The following NLRP2 variants were observed in gnomAD, a reference collection of about 807,000 sequenced individuals.
NLRP2 encodes NACHT, LRR and PYD domains-containing protein 2.
In NLRP2, 107 loss-of-function variants were observed where a neutral mutation model predicts 97.2. The observed-to-expected ratio is 1.10, with a 90% CI of 0.94 to 1.29. The LOEUF (loss-of-function observed/expected upper bound fraction) is 1.29. Ranked by LOEUF, NLRP2 falls within the 50% of genes most tolerant of loss-of-function variation. NLRP2 has a pLI of 0.00. For missense variants in NLRP2, 1,495 were observed against 1,330.3 expected, an observed-to-expected ratio of 1.12 and a Z score of -1.93; for synonymous variants, 663 against 551.5, an observed-to-expected ratio of 1.20 and a Z score of -2.83.
chr19:54,974,529 A>G lies in NLRP2; in HGVS notation c.310A>G (p.Lys104Glu). Residue 104 changes from lysine to glutamate, a missense_variant, in exon 3 of 13, where the codon AAG becomes GAG. Coordinates refer to ENST00000448584, the MANE Select transcript of NLRP2 (RefSeq NM_017852.5). Reference sequence around the variant, plus strand: ...AGCTTTGAAATCCTTTAATAAAAGGAAGCCTCTATCATTAGGTAAGTTACC... The same window carrying G: ...AGCTTTGAAATCCTTTAATAAAAGGGAGCCTCTATCATTAGGTAAGTTACC... Reference protein sequence around the residue: ...EAALKSFNKRKPLSLGITRKE... With the variant: ...EAALKSFNKREPLSLGITRKE... 1 of 1,608,928 alleles carries G rather than the reference A, an allele frequency of 6.2e-7. No individual in the cohort carries two copies. Among genetic ancestry groups the G allele is most frequent in the Non-Finnish European group, 8.5e-7 (1 of 1,175,298 alleles).
At chr19:54,969,815 A>T (rs908645101) in intron 1 of NLRP2, among the ~76,000 whole-genome samples, 184 bp from the exon 2 acceptor site, 3 of 152,076 alleles carry the variant, frequency 2.0e-5, no homozygotes, top group African/African-American at 7.2e-5. Flanking sequence ...ATGTACCACC[A>T]CCCACTGCTA....
chr19:54,995,138 C>T (rs1392686083), intron 11 of NLRP2, among the ~76,000 whole-genome samples: 2 of 64,804 alleles, frequency 3.1e-5, no homozygotes, highest in African/African-American at 9.3e-5. Flanking sequence ...ACTTGAAACT[C>T]CATCTCTACT....
In NLRP2 at chr19:54,967,084, C is replaced by T. The variant is rs369398508; in HGVS notation, c.-18+617C>T. Among the ~76,000 whole-genome samples the T allele has an allele frequency of 1.2e-4, 18 of 151,178 alleles. No individual in the cohort carries two copies. In the South Asian group the frequency reaches 1.9e-3, roughly 16 times the overall value. The stretch of plus-strand genomic sequence containing the variant: ...GTCTTAATATGTTGCCGAAGCTGGT[C>T]TCTAACTCCTGGGCTCAAGCGATCT... On this transcript the variant is annotated intron_variant, in intron 1 of 12. Transcript: ENST00000448584.
In NLRP2 at chr19:54,972,906, A is replaced by G. The variant is rs552758822; in HGVS notation, c.281-1594A>G. The stretch of plus-strand genomic sequence containing the variant: ...CCAAGCCTTAAAAAGGAAACATGGT[A>G]GGCCGGGCACAGTGGCTCACGCCTG... On this transcript the variant is annotated intron_variant, in intron 2 of 12. Coordinates refer to ENST00000448584, the MANE Select transcript of NLRP2 (RefSeq NM_017852.5). 1.2e-4 allele frequency among the ~76,000 whole-genome samples: 19 copies of G among 152,026 alleles called. No homozygotes were observed. The South Asian group carries it at 2.9e-3, about 23-fold the overall frequency.
At chr19:54,999,226 C>G (rs1361785301) in intron 12 of NLRP2, among the ~76,000 whole-genome samples, 4 of 152,200 alleles carry the variant, frequency 2.6e-5, no homozygotes, top group Non-Finnish European at 5.9e-5. Flanking sequence ...CGGCTTACTG[C>G]AACCTCCGCC....
Position 54,986,227 on chromosome 19 carries a change from C to G in NLRP2, c.2278C>G (p.Leu760Val), listed in dbSNP as rs773068640. 17 of 1,613,056 alleles carry G rather than the reference C, an allele frequency of 1.1e-5. No homozygotes were observed. In the South Asian group the frequency reaches 1.6e-4, roughly 16 times the overall value. ...ALRGHKTVTY[L>V]TLQGNDQDDM... ...TCGAGGTCACAAGACTGTAACGTAT[C>G]TGACCCTTCAAGGCAATGACCAGGA... The change falls in exon 8 of 13, where the codon CTG becomes GTG. Residue 760 changes from leucine to valine, a missense_variant. Coordinates refer to ENST00000448584, the MANE Select transcript of NLRP2 (RefSeq NM_017852.5).
At position 54,984,485 on chromosome 19, in the gene NLRP2, C is replaced by CTTTTTTTTTTTTTT. The variant is rs36061621; in HGVS notation, c.2031-560_2031-547dup. On this transcript the variant is annotated intron_variant, in intron 6 of 12. Transcript: ENST00000448584. ...ATGTATAGATATGTATATTCCCAAT[C>CTTTTTTTTTTTTTT]TTTTTTTTTTTTTTTGAGACGGAGT... 3.5e-3 allele frequency among the ~76,000 whole-genome samples: 266 copies of CTTTTTTTTTTTTTT among 76,890 alleles called. 59 individuals are homozygous for CTTTTTTTTTTTTTT. Among genetic ancestry groups the CTTTTTTTTTTTTTT allele is most frequent in the African/African-American group, 0.015 (199 of 13,222 alleles). 50.4% of individuals were successfully genotyped at this position (76,890 alleles called of 152,430 possible). A position where few individuals can be genotyped will look rare whatever the true frequency, so the allele number is the denominator to read the frequency against.
Position 55,001,030 on chromosome 19 carries a change from C to G in NLRP2, c.*132C>G. On this transcript the variant is annotated 3_prime_UTR_variant, in exon 13 of 13. Coordinates refer to ENST00000448584, the MANE Select transcript of NLRP2 (RefSeq NM_017852.5). ...TTCATTGCTGGGCTAGATGTTTTAGCCATGATTCTGCCTCTGTTTTATACC... is the reference window on the plus strand; with the variant it reads ...TTCATTGCTGGGCTAGATGTTTTAGGCATGATTCTGCCTCTGTTTTATACC... The G allele has an allele frequency of 1.3e-6, 1 of 785,950 alleles. No individual in the cohort carries two copies. Among genetic ancestry groups the G allele is most frequent in the Non-Finnish European group, 2.2e-6 (1 of 462,448 alleles). 48.7% of individuals were successfully genotyped at this position (785,950 alleles called of 1,614,324 possible). A position where few individuals can be genotyped will look rare whatever the true frequency, so the allele number is the denominator to read the frequency against.
chr19:54,974,081 C>T (rs773324456), intron 2 of NLRP2: 30 of 938,066 alleles, frequency 3.2e-5, no homozygotes, highest in Non-Finnish European at 3.9e-5. Context: ...AGCAGCCAAG[C>T]GCGGTGGCTC....
At chr19:54,996,299 G>C (rs540538515) in intron 11 of NLRP2, among the ~76,000 whole-genome samples, 1 of 151,910 alleles carries the variant, frequency 6.6e-6, no homozygotes, top group Non-Finnish European at 1.5e-5. Context: ...TCAGGAGTTC[G>C]TAGACCAGCC....
intron 12 of NLRP2, among the ~76,000 whole-genome samples, chr19:54,997,707 G>T: frequency 6.6e-6 from 1 of 151,710 alleles, no homozygotes; most frequent in East Asian, 1.9e-4. Flanking sequence ...CGCCCGCCTC[G>T]GCCTCCCAAA....
chr19:54,979,969 G>GT (rs1333609860), intron 4 of NLRP2, among the ~76,000 whole-genome samples: 2 of 151,834 alleles, frequency 1.3e-5, no homozygotes, highest in Admixed American at 6.6e-5. Context: ...TAGAGACAGG[G>GT]TTTCACCGTG....
intron 2 of NLRP2, chr19:54,974,082 G>T (rs760526103): frequency 1.1e-6 from 1 of 942,704 alleles, no homozygotes; most frequent in Middle Eastern, 2.2e-4. Context: ...GCAGCCAAGC[G>T]CGGTGGCTCA....
At chr19:54,987,559 T>A (rs1022133415) in intron 8 of NLRP2, among the ~76,000 whole-genome samples, 2 of 152,060 alleles carry the variant, frequency 1.3e-5, no homozygotes, top group Non-Finnish European at 2.9e-5. Context: ...CTGGTCAACA[T>A]GGTGAAACTC....
intron 7 of NLRP2, 87 bp from the exon 8 acceptor site, chr19:54,986,064 G>A (rs1372764689): frequency 1.1e-5 from 10 of 904,046 alleles, no homozygotes; most frequent in Non-Finnish European, 1.6e-5. Flanking sequence ...AGTTCCTAAA[G>A]TTTAAATATA....
chr19:54,974,787 A>G (rs768760086), intron 3 of NLRP2, among the ~76,000 whole-genome samples: 10 of 152,086 alleles, frequency 6.6e-5, no homozygotes, highest in Non-Finnish European at 1.3e-4. Context: ...TTGGCCTTTG[A>G]ATCTGGATAA....
chr19:54,974,918 G>A, intron 3 of NLRP2, among the ~76,000 whole-genome samples: 1 of 151,858 alleles, frequency 6.6e-6, no homozygotes, highest in Admixed American at 6.6e-5. Flanking sequence ...TCCTGCCTCA[G>A]CCTCTAGAAT....
chr19:54,990,372 G>C (rs1406966561), intron 9 of NLRP2, 130 bp from the exon 10 acceptor site: 16 of 1,118,628 alleles, frequency 1.4e-5, no homozygotes, highest in Non-Finnish European at 2.2e-5. Context: ...TCCTTCATAG[G>C]ATCACCAGTG....
At chr19:54,998,182 G>T (rs963410389) in intron 12 of NLRP2, among the ~76,000 whole-genome samples, 4 of 151,486 alleles carry the variant, frequency 2.6e-5, no homozygotes, top group Admixed American at 6.6e-5. Context: ...CCACACCTAG[G>T]TAATTTTTGT....
Sources: allele counts gnomAD v4.1 joint callset (sites outside exome capture counted in the v4.1 genomes callset), GRCh38; gene constraint gnomAD v4.1.1; transcripts MANE v1.5; gene names NCBI Gene and HGNC (gene_info 2026-07-23, HGNC 2026-07-21).